The following PTH2R variants were observed in gnomAD, a reference collection of about 807,000 sequenced individuals.
PTH2R encodes the protein parathyroid hormone 2 receptor.
Under a neutral mutation model 60.3 loss-of-function variants are expected in PTH2R, and 59 were observed. The ratio of observed to expected loss-of-function variants is 0.98; its 90% CI spans 0.79 to 1.22. The LOEUF is 1.22. PTH2R is among the 50% of genes most tolerant of loss of function. The pLI is 0.00. For synonymous variants in PTH2R, 256 were observed against 243.8 expected, an observed-to-expected ratio of 1.05 and a Z score of -0.47; for missense variants, 749 against 682.6, an observed-to-expected ratio of 1.10 and a Z score of -1.08.
Position 208,455,953 on chromosome 2 carries a change from T to C in PTH2R, c.915-3942T>C, listed in dbSNP as rs542451283. On this transcript the variant is annotated intron_variant, in intron 8 of 12. Coordinates refer to ENST00000272847, the MANE Select transcript of PTH2R (RefSeq NM_005048.4). ...AGATTTAAAATTCTATTAGGTGTTA[T>C]TTGGGCTGGGCAAGGTGGCTCATGC... 2.6e-5 allele frequency among the ~76,000 whole-genome samples: 4 copies of C among 152,242 alleles called. No homozygotes were observed. The East Asian group carries it at 7.7e-4, about 29-fold the overall frequency.
rs187984847 is a variant in PTH2R at position 208,398,067 on chromosome 2, A to G, written c.-258-30134A>G. ...CAATTTATTCATGAAACTTAAAACT[A>G]AAATCAAATAATTGAAAATTAATTC... is the stretch of plus-strand genomic sequence containing the variant. On this transcript the variant is annotated intron_variant, in intron 1 of 12. Transcript: ENST00000617735. Among the ~76,000 whole-genome samples the G allele has an allele frequency of 2.4e-4, 37 of 152,378 alleles. No homozygotes were observed. The East Asian group carries it at 2.7e-3, about 11-fold the overall frequency.
Position 208,397,740 on chromosome 2 carries a change from A to C in PTH2R, c.-258-30461A>C, listed in dbSNP as rs535434405. 2.0e-5 allele frequency among the ~76,000 whole-genome samples: 3 copies of C among 152,274 alleles called. No individual in the cohort carries two copies. In the South Asian group the frequency reaches 6.2e-4, roughly 32 times the overall value. ...GTGAAAAAACTGGCCCTCCCACCCT[A>C]GCCTTTTAATATGCAAATGAAGGGC... On this transcript the variant is annotated intron_variant, in intron 1 of 12. Coordinates refer to the PTH2R transcript ENST00000617735.
At chr2:208,456,885 CT>C (rs1702525856) in intron 8 of PTH2R, among the ~76,000 whole-genome samples, 1 of 152,136 alleles carries the variant, frequency 6.6e-6, no homozygotes, top group Non-Finnish European at 1.5e-5. Flanking sequence ...ATTTTCTTTC[CT>C]ATATCACAGG....
At chr2:208,382,306 A>G (rs532243922) in intron 1 of PTH2R, among the ~76,000 whole-genome samples, 2 of 152,232 alleles carry the variant, frequency 1.3e-5, no homozygotes, top group East Asian at 3.9e-4. Context: ...AGGTTTTCAT[A>G]TCTCTTGGGT....
chr2:208,431,258 G>A (rs761480487), intron 2 of PTH2R, among the ~76,000 whole-genome samples: 18 of 151,938 alleles, frequency 1.2e-4, no homozygotes, highest in African/African-American at 2.9e-4. Flanking sequence ...TGAAGTCTTC[G>A]TATTCAATTT....
intron 1 of PTH2R, among the ~76,000 whole-genome samples, chr2:208,410,313 G>C (rs958121221): frequency 2.6e-5 from 4 of 152,142 alleles, no homozygotes; most frequent in Non-Finnish European, 5.9e-5. Context: ...GGGGCTATGA[G>C]ATGTTAGATA....
intron 1 of PTH2R, among the ~76,000 whole-genome samples, chr2:208,377,910 C>T (rs1230747166): frequency 1.3e-5 from 2 of 151,640 alleles, no homozygotes; most frequent in Non-Finnish European, 2.9e-5. Context: ...GGCAGAGGGG[C>T]TCCTCACATC....
At chr2:208,447,842 T>C (rs1247136932) in intron 7 of PTH2R, among the ~76,000 whole-genome samples, 2 of 152,098 alleles carry the variant, frequency 1.3e-5, no homozygotes, top group African/African-American at 4.8e-5. Flanking sequence ...CCCATCCTTG[T>C]CTCAGTTTTC....
Position 208,493,298 on chromosome 2 carries a change from G to T in PTH2R, c.1292G>T (p.Trp431Leu). 1 of 1,522,270 alleles carries T rather than the reference G, an allele frequency of 6.6e-7. No individual in the cohort carries two copies. The highest frequency in any genetic ancestry group is 8.8e-7 in the Non-Finnish European group (1 of 1,132,518). The allele number at this position is 1,522,270 out of a possible 1,614,324, so 94.3% of individuals were successfully genotyped here. The change falls in exon 13 of 13, where the codon TGG becomes TTG. Residue 431 changes from tryptophan to leucine, a missense_variant. Trp to Leu is a moderately conservative substitution (Grantham distance 61, BLOSUM62 -2). Transcript: ENST00000272847. ...GAGGTGAAGAAGATGTGGAGTCGGT[G>T]GAACCTCTCCGTGGACTGGAAAAGG... Reference protein sequence around the residue: ...QAEVKKMWSRWNLSVDWKRTP... With the variant: ...QAEVKKMWSRLNLSVDWKRTP...
chr2:208,473,803 C>T (rs1050856979), intron 9 of PTH2R, among the ~76,000 whole-genome samples: 9 of 152,074 alleles, frequency 5.9e-5, no homozygotes, highest in African/African-American at 2.2e-4. Context: ...AGGTACCTTA[C>T]AATCATTTAA....
intron 1 of PTH2R, among the ~76,000 whole-genome samples, chr2:208,376,708 T>C (rs1202795080): frequency 1.3e-5 from 2 of 152,102 alleles, no homozygotes; most frequent in African/African-American, 4.8e-5. Flanking sequence ...CACATCATTT[T>C]ATTTCTTGAT....
intron 8 of PTH2R, among the ~76,000 whole-genome samples, chr2:208,451,304 C>G (rs1010576244): frequency 6.6e-6 from 1 of 152,110 alleles, no homozygotes; most frequent in Non-Finnish European, 1.5e-5. Flanking sequence ...CATACTTCCT[C>G]ATAGAGATGG....
At chr2:208,468,714 T>G (rs1215325137) in intron 9 of PTH2R, among the ~76,000 whole-genome samples, 1 of 152,254 alleles carries the variant, frequency 6.6e-6, no homozygotes, top group South Asian at 2.1e-4. Context: ...AGATTACCAA[T>G]TGTAATCTAC....
chr2:208,470,719 C>T (rs1221924844), intron 9 of PTH2R, among the ~76,000 whole-genome samples: 1 of 152,108 alleles, frequency 6.6e-6, no homozygotes, highest in African/African-American at 2.4e-5. Flanking sequence ...AAATTGGTAT[C>T]AGTAGAGTGG....
chr2:208,416,751 C>G (rs1052538278), intron 1 of PTH2R, among the ~76,000 whole-genome samples: 1 of 152,164 alleles, frequency 6.6e-6, no homozygotes, highest in Non-Finnish European at 1.5e-5. Context: ...GCCAGCATGG[C>G]TAGAATATAA....
At chr2:208,489,190 C>T (rs1574918548) in intron 11 of PTH2R, 40 bp downstream of exon 11, 2 of 1,611,244 alleles carry the variant, frequency 1.2e-6, no homozygotes, top group Non-Finnish European at 8.5e-7. Flanking sequence ...TTGTAATTTG[C>T]AGTTTTTTTT....
intron 6 of PTH2R, 45 bp from the exon 7 acceptor site, chr2:208,444,686 TACA>T (rs1426252843): frequency 6.4e-7 from 1 of 1,567,302 alleles, no homozygotes; most frequent in African/African-American, 1.4e-5. Context: ...TGGCATCCAG[TACA>T]ACAAAGTGTT....
intron 10 of PTH2R, among the ~76,000 whole-genome samples, chr2:208,481,649 G>A (rs1372934779): frequency 6.6e-6 from 1 of 152,134 alleles, no homozygotes; most frequent in African/African-American, 2.4e-5. Flanking sequence ...AACCCCAAAA[G>A]CTACCCCTTG....
At chr2:208,414,926 C>T (rs1701610246) in intron 1 of PTH2R, among the ~76,000 whole-genome samples, 1 of 151,788 alleles carries the variant, frequency 6.6e-6, no homozygotes, top group Non-Finnish European at 1.5e-5. Flanking sequence ...AGCTGTGGAA[C>T]AAAATGTCTG....
Sources: allele counts gnomAD v4.1 joint callset (sites outside exome capture counted in the v4.1 genomes callset), GRCh38; gene constraint gnomAD v4.1.1; transcripts MANE v1.5; gene names NCBI Gene and HGNC (gene_info 2026-07-23, HGNC 2026-07-21).